The following PAICS variants were observed in gnomAD, a reference collection of about 807,000 sequenced individuals.
PAICS encodes phosphoribosylaminoimidazole carboxylase and phosphoribosylaminoimidazolesuccinocarboxamide synthase.
A neutral mutation model predicts 53.7 loss-of-function variants in PAICS; 33 were observed. The ratio of observed to expected loss-of-function variants is 0.61; its 90% CI spans 0.47 to 0.82. PAICS has a LOEUF of 0.82. PAICS is among the 40% of genes least tolerant of loss of function. PAICS has a pLI of 0.00. For missense variants in PAICS, 394 were observed against 494.1 expected (o/e 0.80, Z 1.92); for synonymous variants, 141 against 167.2 (o/e 0.84, Z 1.21).
At position 56,463,189 on chromosome 4, in the gene PAICS, C is replaced by T. The variant is rs1353413861; in HGVS notation, c.*3651C>T. On this transcript the variant is annotated 3_prime_UTR_variant, in exon 9 of 9. Transcript: ENST00000512576. Reference sequence around the variant, plus strand: ...TGGTGTTTTTACATCCAGCTTCCCACACCTCAAATACTTGGGGTGGAATTG... The same window carrying T: ...TGGTGTTTTTACATCCAGCTTCCCATACCTCAAATACTTGGGGTGGAATTG... 2 of 152,070 alleles carry T rather than the reference C, an allele frequency of 1.3e-5. No homozygotes were observed. The highest frequency in any genetic ancestry group is 3.2e-3 in the Middle Eastern group (1 of 316). The allele number at this position is 152,070 out of a possible 1,614,324, so 9.4% of individuals were successfully genotyped here. A position where few individuals can be genotyped will look rare whatever the true frequency, so the allele number is the denominator to read the frequency against.
the PAICS span, among the ~76,000 whole-genome samples, chr4:56,417,075 T>C: frequency 6.6e-6 from 1 of 152,142 alleles, no homozygotes; most frequent in Non-Finnish European, 1.5e-5. Flanking sequence ...TCTAGAACTC[T>C]CGACCTCTGG....
At chr4:56,456,681 T>G (rs991260396) in intron 8 of PAICS, among the ~76,000 whole-genome samples, 1 of 151,636 alleles carries the variant, frequency 6.6e-6, no homozygotes, top group African/African-American at 2.4e-5. Context: ...AGTGTTGGGA[T>G]TGGGTAGGAA....
At chr4:56,423,659 G>GT in the PAICS span, among the ~76,000 whole-genome samples, 29,456 of 147,220 alleles carry the variant, frequency 0.2, 3,156 homozygotes, top group Admixed American at 0.33. Context: ...AAAAGTACAA[G>GT]TTTTTTTTTT....
At chr4:56,458,242 G>A (rs1285966453) in intron 8 of PAICS, among the ~76,000 whole-genome samples, 2 of 151,678 alleles carry the variant, frequency 1.3e-5, no homozygotes, top group African/African-American at 4.8e-5. Context: ...CCTGAAGACC[G>A]CCCATATTTC....
At chr4:56,458,168 A>G (rs549861306) in intron 8 of PAICS, among the ~76,000 whole-genome samples, 2 of 152,334 alleles carry the variant, frequency 1.3e-5, no homozygotes, top group South Asian at 4.1e-4. Flanking sequence ...AGACTTGTAC[A>G]TAATGATCAC....
At chr4:56,456,681 T>C (rs991260396) in intron 8 of PAICS, among the ~76,000 whole-genome samples, 1 of 151,636 alleles carries the variant, frequency 6.6e-6, no homozygotes, top group Non-Finnish European at 1.5e-5. Context: ...AGTGTTGGGA[T>C]TGGGTAGGAA....
the PAICS span, among the ~76,000 whole-genome samples, chr4:56,413,121 TTTG>T: frequency 6.1e-4 from 92 of 150,166 alleles, no homozygotes; most frequent in Non-Finnish European, 1.2e-3. Context: ...ACTTTGGTTT[TTTG>T]TTGTTGTTGT....
At chr4:56,456,710 T>G (rs1435555527) in intron 8 of PAICS, among the ~76,000 whole-genome samples, 2 of 151,584 alleles carry the variant, frequency 1.3e-5, no homozygotes, top group Non-Finnish European at 2.9e-5. Context: ...TCTGGGGTTT[T>G]TTTTTTTTTT....
intron 1 of PAICS, among the ~76,000 whole-genome samples, chr4:56,436,912 C>A (rs1304387225): frequency 6.6e-6 from 1 of 152,182 alleles, no homozygotes; most frequent in Non-Finnish European, 1.5e-5. Context: ...GTAGGAGAAT[C>A]GCTTGAACCC....
chr4:56,446,183 C>T (rs918868698), intron 2 of PAICS, among the ~76,000 whole-genome samples: 2 of 152,036 alleles, frequency 1.3e-5, no homozygotes. Context: ...TTTAAGTGTC[C>T]AATTCAGTGG....
the PAICS span, among the ~76,000 whole-genome samples, chr4:56,418,116 C>A: frequency 1.3e-5 from 2 of 151,902 alleles, no homozygotes; most frequent in African/African-American, 4.8e-5. Flanking sequence ...GGATTACAGG[C>A]GTGAGCCACC....
chr4:56,427,757 CT>C, the PAICS span, among the ~76,000 whole-genome samples: 1 of 152,102 alleles, frequency 6.6e-6, no homozygotes, highest in Non-Finnish European at 1.5e-5. Context: ...TGCCTTCCCC[CT>C]GTCACCCCCT....
chr4:56,421,101 C>T, the PAICS span: 8 of 152,280 alleles, frequency 5.3e-5, no homozygotes, highest in African/African-American at 1.2e-4. Context: ...CTGAGCTCCG[C>T]GACTCCTGTC....
At chr4:56,436,110 G>A, upstream of PAICS, 1 of 1,477,068 alleles carries the variant, frequency 6.8e-7, no homozygotes, top group Non-Finnish European at 8.9e-7. Flanking sequence ...AGCCAGTGGG[G>A]CGTTGTTTCG....
the PAICS span, among the ~76,000 whole-genome samples, chr4:56,424,567 T>C: frequency 2.0e-5 from 3 of 152,200 alleles, no homozygotes; most frequent in African/African-American, 7.2e-5. Flanking sequence ...CTATTCCTAT[T>C]ATGTTAAGTA....
At chr4:56,441,950 T>C in intron 2 of PAICS, 90 bp downstream of exon 2, 1 of 833,262 alleles carries the variant, frequency 1.2e-6, no homozygotes, top group South Asian at 2.1e-5. Flanking sequence ...TATGAACAAC[T>C]TGTTTGCAGA....
In PAICS at chr4:56,440,703, C is replaced by T. The variant is rs146599327; in HGVS notation, c.17-960C>T. Among the ~76,000 whole-genome samples the T allele has an allele frequency of 5.9e-5, 9 of 152,290 alleles. No homozygotes were observed. In the East Asian group the frequency reaches 1.5e-3, roughly 26 times the overall value. ...CTAATGTCTAGACTAGTCCCATAGTCTGTATTTATTGCATTCTATTATTAT... is the reference window on the plus strand; with the variant it reads ...CTAATGTCTAGACTAGTCCCATAGTTTGTATTTATTGCATTCTATTATTAT... On this transcript the variant is annotated intron_variant, in intron 1 of 8. Transcript: ENST00000512576.
chr4:56,414,064 G>T, the PAICS span, among the ~76,000 whole-genome samples: 2 of 152,144 alleles, frequency 1.3e-5, no homozygotes, highest in Non-Finnish European at 2.9e-5. Flanking sequence ...GTCAATTGGG[G>T]TCTTAGAAAT....
chr4:56,410,516 A>G, the PAICS span: 1 of 986,188 alleles, frequency 1.0e-6, no homozygotes, highest in African/African-American at 1.7e-5. Flanking sequence ...CACTTTCAAC[A>G]TGGAGAGTGG....
Sources: gnomAD v4.1 joint callset for allele counts (sites outside exome capture counted in the v4.1 genomes callset) on GRCh38, gnomAD v4.1.1 for gene constraint, MANE v1.5 for transcripts, NCBI Gene and HGNC (gene_info 2026-07-23, HGNC 2026-07-21) for gene names.